The following SLC4A10 variants were observed in gnomAD, a reference collection of about 807,000 sequenced individuals.
The protein encoded by SLC4A10 is sodium-driven chloride bicarbonate exchanger.
A neutral mutation model predicts 137.7 loss-of-function variants in SLC4A10; 42 were observed. That is an observed-to-expected ratio of 0.30 (90% CI 0.24 to 0.39). The LOEUF (loss-of-function observed/expected upper bound fraction) is 0.39. SLC4A10 is among the 10% of genes least tolerant of loss of function. The pLI is 1.00. For synonymous variants in SLC4A10, 474 were observed against 464.1 expected (o/e 1.02, Z -0.27); for missense variants, 925 against 1,355.0 (o/e 0.68, Z 4.98).
chr2:161,829,220 T>C (rs899254428), intron 3 of SLC4A10, among the ~76,000 whole-genome samples: 5 of 152,138 alleles, frequency 3.3e-5, no homozygotes, highest in African/African-American at 1.2e-4. Context: ...ACATTGTCTG[T>C]TATTATGTAT....
At chr2:161,637,228 C>T (rs1392896639) in intron 1 of SLC4A10, among the ~76,000 whole-genome samples, 1 of 151,050 alleles carries the variant, frequency 6.6e-6, no homozygotes. Flanking sequence ...GACAGAGTCT[C>T]ACTCTGTTGT....
chr2:161,845,453 C>T (rs1440687946), intron 4 of SLC4A10, among the ~76,000 whole-genome samples: 3 of 151,996 alleles, frequency 2.0e-5, no homozygotes, highest in Non-Finnish European at 4.4e-5. Flanking sequence ...TACATCAAAC[C>T]ATCCATGCAT....
intron 3 of SLC4A10, among the ~76,000 whole-genome samples, chr2:161,828,144 C>A (rs1049972196): frequency 2.0e-5 from 3 of 152,162 alleles, no homozygotes; most frequent in African/African-American, 7.2e-5. Flanking sequence ...TTCTATTTCA[C>A]TCCAGTTTTC....
chr2:161,933,614 C>G (rs1191339204), intron 15 of SLC4A10, among the ~76,000 whole-genome samples: 2 of 152,110 alleles, frequency 1.3e-5, no homozygotes, highest in African/African-American at 4.8e-5. Flanking sequence ...AGATTGTTCT[C>G]AAAGGTCTGG....
chr2:161,658,734 G>T (rs1342567732), intron 1 of SLC4A10, among the ~76,000 whole-genome samples: 8 of 151,428 alleles, frequency 5.3e-5, no homozygotes, highest in Admixed American at 3.3e-4. Context: ...GGGGTTACAG[G>T]TGCATGCCAC....
At chr2:161,739,879 T>C (rs145265165) in intron 1 of SLC4A10, among the ~76,000 whole-genome samples, 24 of 152,312 alleles carry the variant, frequency 1.6e-4, no homozygotes, top group Non-Finnish European at 2.4e-4. Flanking sequence ...GCTTGACTTT[T>C]AATCCTGGAA....
intron 19 of SLC4A10, among the ~76,000 whole-genome samples, chr2:161,952,911 T>A (rs539771605): frequency 2.0e-4 from 30 of 152,328 alleles, no homozygotes; most frequent in African/African-American, 7.2e-4. Flanking sequence ...TCTCCCCGCC[T>A]GTTGCTTCAT....
chr2:161,948,538 TAA>T (rs1437258327), intron 17 of SLC4A10, among the ~76,000 whole-genome samples: 3 of 152,134 alleles, frequency 2.0e-5, no homozygotes, highest in Non-Finnish European at 4.4e-5. Context: ...CATCTTAAAA[TAA>T]ACTAGATCTG....
At chr2:161,890,838 G>C (rs1159131146) in intron 10 of SLC4A10, among the ~76,000 whole-genome samples, 4 of 152,118 alleles carry the variant, frequency 2.6e-5, no homozygotes, top group Non-Finnish European at 4.4e-5. Flanking sequence ...TCATTATAAT[G>C]CTAGCTGGTT....
chr2:161,726,357 C>T (rs550891325), intron 1 of SLC4A10, among the ~76,000 whole-genome samples: 1 of 152,250 alleles, frequency 6.6e-6, no homozygotes, highest in Non-Finnish European at 1.5e-5. Flanking sequence ...TACACAGCTA[C>T]TTTTCCTATC....
chr2:161,856,379 A>ACACACG (rs1468301800), intron 5 of SLC4A10, among the ~76,000 whole-genome samples: 1 of 133,856 alleles, frequency 7.5e-6, no homozygotes, highest in Non-Finnish European at 1.7e-5. Context: ...ACACACACAC[A>ACACACG]CACACACACA....
At chr2:161,639,318 A>G (rs545420553) in intron 1 of SLC4A10, among the ~76,000 whole-genome samples, 6 of 152,132 alleles carry the variant, frequency 3.9e-5, no homozygotes, top group Non-Finnish European at 7.4e-5. Context: ...ACAAGGACAC[A>G]ACAAAATAAG....
intron 15 of SLC4A10, among the ~76,000 whole-genome samples, chr2:161,912,216 A>G (rs1260866493): frequency 6.6e-6 from 1 of 152,118 alleles, no homozygotes; most frequent in African/African-American, 2.4e-5. Context: ...CAGATCTTAA[A>G]TGGAATTATC....
At chr2:161,973,434 G>A (rs1041963197) in intron 23 of SLC4A10, among the ~76,000 whole-genome samples, 3 of 152,108 alleles carry the variant, frequency 2.0e-5, no homozygotes, top group Non-Finnish European at 2.9e-5. Context: ...CAAAGATTTA[G>A]TTTTAAAATC....
At chr2:161,777,962 C>T (rs1354137333) in intron 2 of SLC4A10, among the ~76,000 whole-genome samples, 3 of 151,954 alleles carry the variant, frequency 2.0e-5, no homozygotes, top group Non-Finnish European at 2.9e-5. Context: ...TAACATTACA[C>T]GTTATAACCT....
chr2:161,717,344 G>A (rs368316647), intron 1 of SLC4A10, among the ~76,000 whole-genome samples: 30 of 152,304 alleles, frequency 2.0e-4, no homozygotes, highest in African/African-American at 7.0e-4. Context: ...AATAGGAGTG[G>A]TGAGAGAGCA....
rs1333417065 is a variant in SLC4A10 at position 161,836,518 on chromosome 2, AAG to A, written c.278-3257_278-3256del. On this transcript the variant is annotated intron_variant, in intron 3 of 26. Coordinates refer to ENST00000446997, the MANE Select transcript of SLC4A10 (RefSeq NM_001178015.2). ...GAAAAGGAAGAAAAAGAAAGAAAGA[AAG>A]AGAGAGAGAGAGAAAGAAAGAAAGA... Among the ~76,000 whole-genome samples the A allele has an allele frequency of 5.6e-3, 701 of 124,820 alleles. 14 individuals carry two copies. The highest frequency in any genetic ancestry group is 7.9e-3 in the East Asian group (31 of 3,906). 81.9% of individuals were successfully genotyped at this position (124,820 alleles called of 152,430 possible).
chr2:161,666,743 T>C (rs2039089950), intron 1 of SLC4A10, among the ~76,000 whole-genome samples: 2 of 151,868 alleles, frequency 1.3e-5, no homozygotes, highest in South Asian at 4.1e-4. Flanking sequence ...GAACATACTA[T>C]AATTCTTTCC....
chr2:161,694,128 A>G (rs749711835), intron 1 of SLC4A10, among the ~76,000 whole-genome samples: 24 of 152,016 alleles, frequency 1.6e-4, no homozygotes, highest in Non-Finnish European at 3.4e-4. Context: ...AACATGTGTG[A>G]CTTTGATACA....
Sources: allele counts gnomAD v4.1 joint callset (sites outside exome capture counted in the v4.1 genomes callset), GRCh38; gene constraint gnomAD v4.1.1; transcripts MANE v1.5; gene names NCBI Gene and HGNC (gene_info 2026-07-23, HGNC 2026-07-21).